The following FGF12 variants were observed in gnomAD, a reference collection of about 807,000 sequenced individuals.
The protein encoded by FGF12 is fibroblast growth factor 12.
In FGF12, 14 loss-of-function variants were observed where a neutral mutation model predicts 23.6. That is an observed-to-expected ratio of 0.59 (90% CI 0.39 to 0.93). The LOEUF (loss-of-function observed/expected upper bound fraction) is 0.93. Ranked by LOEUF, FGF12 falls within the 40% of genes least tolerant of loss-of-function variation. FGF12 has a pLI of 0.00. For synonymous variants in FGF12, 62 were observed against 77.3 expected (o/e 0.80, Z 1.04); for missense variants, 175 against 217.8 (o/e 0.80, Z 1.24).
At chr3:192,359,420 CAA>C (rs1254996611) in intron 3 of FGF12, among the ~76,000 whole-genome samples, 1 of 152,150 alleles carries the variant, frequency 6.6e-6, no homozygotes, top group Non-Finnish European at 1.5e-5. Flanking sequence ...AGCCTGATCA[CAA>C]AATTACATCC....
chr3:192,637,447 G>A (rs537404638), intron 2 of FGF12, among the ~76,000 whole-genome samples: 2 of 152,250 alleles, frequency 1.3e-5, no homozygotes, highest in South Asian at 4.1e-4. Context: ...TTGCATTCAG[G>A]CACTAAAGTA....
chr3:192,437,017 T>G (rs1313287261), intron 2 of FGF12, among the ~76,000 whole-genome samples: 1 of 152,152 alleles, frequency 6.6e-6, no homozygotes, highest in African/African-American at 2.4e-5. Context: ...TATGGAGGTG[T>G]TTAAGGACGA....
chr3:192,250,369 G>C (rs899156523), intron 4 of FGF12, among the ~76,000 whole-genome samples: 17 of 152,046 alleles, frequency 1.1e-4, no homozygotes, highest in African/African-American at 4.1e-4. Context: ...ATAAGTTATG[G>C]TCAGCACAAG....
At chr3:192,174,888 T>C (rs1715772312) in intron 4 of FGF12, among the ~76,000 whole-genome samples, 1 of 152,182 alleles carries the variant, frequency 6.6e-6, no homozygotes, top group Non-Finnish European at 1.5e-5. Flanking sequence ...TGGACACATG[T>C]TTTAAATGTT....
chr3:192,193,717 C>T (rs1380510381), intron 4 of FGF12, among the ~76,000 whole-genome samples: 1 of 152,072 alleles, frequency 6.6e-6, no homozygotes, highest in Admixed American at 6.6e-5. Context: ...GAATGATTCC[C>T]CAGTCCTTAC....
intron 5 of FGF12, among the ~76,000 whole-genome samples, chr3:192,167,731 GTATA>G (rs11394352): frequency 0.013 from 334 of 25,040 alleles, 4 homozygotes; most frequent in Non-Finnish European, 0.019. Flanking sequence ...TAGGTTATAG[GTATA>G]TATATATATA....
intron 3 of FGF12, among the ~76,000 whole-genome samples, chr3:192,359,305 T>C (rs1165381965): frequency 1.3e-5 from 2 of 152,180 alleles, no homozygotes; most frequent in Non-Finnish European, 2.9e-5. Flanking sequence ...TTTCATTCAT[T>C]AGGGATTTTA....
chr3:192,523,599 G>A lies in FGF12; in HGVS notation c.14-163061C>T, dbSNP rs193220398. 1.9e-3 allele frequency among the ~76,000 whole-genome samples: 283 copies of A among 152,216 alleles called. 1 individual carries two copies. Among genetic ancestry groups the A allele is most frequent in the African/African-American group, 5.6e-3 (233 of 41,540 alleles). On this transcript the variant is annotated intron_variant, in intron 2 of 5. Coordinates refer to ENST00000445105, the MANE Select transcript of FGF12 (RefSeq NM_004113.6). Reference sequence around the variant, plus strand: ...ATTCACCCAACCTCTTTTAGCTTTCGTATTATCCAAGCTCTCCAAATAAAA... The same window carrying A: ...ATTCACCCAACCTCTTTTAGCTTTCATATTATCCAAGCTCTCCAAATAAAA...
intron 2 of FGF12, among the ~76,000 whole-genome samples, chr3:192,527,552 T>C (rs551401339): frequency 2.0e-5 from 3 of 152,336 alleles, no homozygotes; most frequent in South Asian, 4.1e-4. Context: ...GCATTCAATA[T>C]GTAGATATGA....
At position 192,172,746 on chromosome 3, in the gene FGF12, G is replaced by T. The variant is rs570722977; in HGVS notation, c.229-2090C>A. The stretch of plus-strand genomic sequence containing the variant: ...AAATAGGTTGGCAGTGCCTCAAAAG[G>T]TTAAACATACAGTTGCCACACAATC... On this transcript the variant is annotated intron_variant, in intron 4 of 5. Transcript: ENST00000445105. Among the ~76,000 whole-genome samples the T allele has an allele frequency of 6.6e-5, 10 of 150,920 alleles. 1 individual carries two copies. In the Middle Eastern group the frequency reaches 0.017, roughly 258 times the overall value.
At chr3:192,480,471 G>A (rs1057100895) in intron 2 of FGF12, among the ~76,000 whole-genome samples, 2 of 152,164 alleles carry the variant, frequency 1.3e-5, no homozygotes, top group South Asian at 4.1e-4. Flanking sequence ...GTGCTGGCCA[G>A]TGCAAAGAGG....
chr3:192,404,270 T>G (rs1720875634), intron 2 of FGF12, among the ~76,000 whole-genome samples: 1 of 152,216 alleles, frequency 6.6e-6, no homozygotes, highest in South Asian at 2.1e-4. Context: ...ATTGCTTTGC[T>G]CTTTCCAGAG....
chr3:192,454,185 C>G, intron 2 of FGF12, among the ~76,000 whole-genome samples: 1 of 152,150 alleles, frequency 6.6e-6, no homozygotes, highest in Non-Finnish European at 1.5e-5. Flanking sequence ...ACTATAGGTG[C>G]GTGCCACCAT....
intron 2 of FGF12, among the ~76,000 whole-genome samples, chr3:192,622,362 A>G (rs887997312): frequency 3.9e-5 from 6 of 152,186 alleles, no homozygotes; most frequent in African/African-American, 1.4e-4. Context: ...TGCCCTGAGC[A>G]GAAACCACTA....
intron 2 of FGF12, among the ~76,000 whole-genome samples, chr3:192,366,831 T>C (rs573884381): frequency 4.9e-4 from 74 of 152,294 alleles, no homozygotes; most frequent in Admixed American, 1.5e-3. Flanking sequence ...CTCCACGTTC[T>C]TGAAAATCCA....
intron 2 of FGF12, among the ~76,000 whole-genome samples, chr3:192,400,702 T>C (rs1156361141): frequency 6.6e-6 from 1 of 152,166 alleles, no homozygotes; most frequent in Non-Finnish European, 1.5e-5. Flanking sequence ...TGTAGTTGGG[T>C]AATTACATTA....
chr3:192,292,882 T>A (rs1218867415), intron 4 of FGF12, among the ~76,000 whole-genome samples: 1 of 152,090 alleles, frequency 6.6e-6, no homozygotes, highest in Admixed American at 6.6e-5. Context: ...GCTCAAACGA[T>A]CCTCCCACTT....
At chr3:192,650,011 T>C (rs891949481) in intron 2 of FGF12, among the ~76,000 whole-genome samples, 2 of 152,232 alleles carry the variant, frequency 1.3e-5, no homozygotes, top group African/African-American at 4.8e-5. Context: ...CTTTGATAAC[T>C]TGGCAACATG....
intron 2 of FGF12, among the ~76,000 whole-genome samples, chr3:192,609,933 C>T (rs1387670609): frequency 6.6e-6 from 1 of 152,042 alleles, no homozygotes; most frequent in Non-Finnish European, 1.5e-5. Context: ...TGAGCATAAG[C>T]ACAACTAATA....
Sources: allele counts gnomAD v4.1 joint callset (sites outside exome capture counted in the v4.1 genomes callset), GRCh38; gene constraint gnomAD v4.1.1; transcripts MANE v1.5; gene names NCBI Gene and HGNC (gene_info 2026-07-23, HGNC 2026-07-21).